The following RBFOX1 variants were observed in gnomAD, a reference collection of about 807,000 sequenced individuals.
The protein encoded by RBFOX1 is RNA binding fox-1 homolog 1.
A neutral mutation model predicts 57.7 loss-of-function variants in RBFOX1; 8 were observed. That is an observed-to-expected ratio of 0.14 (90% CI 0.08 to 0.25). The LOEUF (loss-of-function observed/expected upper bound fraction) is 0.25. RBFOX1 is among the 10% of genes least tolerant of loss of function. The pLI, the probability that RBFOX1 is intolerant of heterozygous loss-of-function variation, is 1.00. For synonymous variants in RBFOX1, 326 were observed against 222.4 expected (o/e 1.47, Z -4.15); for missense variants, 611 against 548.5 (o/e 1.11, Z -1.14).
intron 2 of RBFOX1, among the ~76,000 whole-genome samples, chr16:6,474,327 G>C (rs1464589926): frequency 6.6e-6 from 1 of 152,124 alleles, no homozygotes. Flanking sequence ...ATCATATCCC[G>C]TGGTCCAAAG....
At chr16:7,043,354 G>A (rs1224159698) in intron 3 of RBFOX1, among the ~76,000 whole-genome samples, 1 of 152,030 alleles carries the variant, frequency 6.6e-6, no homozygotes. Context: ...AATGTACAAT[G>A]TGTCATTTAG....
chr16:6,552,487 A>G (rs1241279139), intron 2 of RBFOX1, among the ~76,000 whole-genome samples: 1 of 152,198 alleles, frequency 6.6e-6, no homozygotes, highest in Non-Finnish European at 1.5e-5. Context: ...TACTACCTGC[A>G]AAGTATTCAG....
intron 4 of RBFOX1, among the ~76,000 whole-genome samples, chr16:7,228,438 A>G (rs2093288217): frequency 1.3e-5 from 2 of 152,190 alleles, no homozygotes; most frequent in Non-Finnish European, 2.9e-5. Context: ...TCTCTTAATC[A>G]GAGTACCTAC....
chr16:7,150,173 G>C (rs528960675), intron 4 of RBFOX1, among the ~76,000 whole-genome samples: 95 of 152,252 alleles, frequency 6.2e-4, no homozygotes, highest in Middle Eastern at 6.8e-3. Context: ...CCTTCTGCTA[G>C]AACATGCACA....
chr16:5,788,766 C>G (rs115878298), intron 3 of RBFOX1, among the ~76,000 whole-genome samples: 2 of 152,060 alleles, frequency 1.3e-5, no homozygotes, highest in Non-Finnish European at 2.9e-5. Context: ...CACAGCATCC[C>G]GAGAGTGACG....
At chr16:6,032,591 T>TG (rs371545610) in intron 1 of RBFOX1, among the ~76,000 whole-genome samples, 3 of 152,276 alleles carry the variant, frequency 2.0e-5, no homozygotes, top group African/African-American at 7.2e-5. Flanking sequence ...TAGAGAGCAG[T>TG]GTCTGGAACA....
intron 2 of RBFOX1, among the ~76,000 whole-genome samples, chr16:5,590,568 G>A (rs774932605): frequency 6.6e-6 from 1 of 152,112 alleles, no homozygotes; most frequent in African/African-American, 2.4e-5. Context: ...CTGTGATTCG[G>A]GGCGTGATGG....
At chr16:7,011,983 TG>T (rs1251741248) in intron 3 of RBFOX1, among the ~76,000 whole-genome samples, 4 of 152,178 alleles carry the variant, frequency 2.6e-5, no homozygotes, top group Non-Finnish European at 5.9e-5. Context: ...AAGTAGATCA[TG>T]ATGTGGTGTT....
chr16:6,486,023 T>TG (rs2095473156), intron 2 of RBFOX1, among the ~76,000 whole-genome samples: 1 of 151,266 alleles, frequency 6.6e-6, no homozygotes, highest in Admixed American at 6.6e-5. Flanking sequence ...TTTTCTTTTT[T>TG]TTTTTCCTCT....
intron 3 of RBFOX1, among the ~76,000 whole-genome samples, chr16:6,985,577 C>G (rs1213261991): frequency 6.6e-6 from 1 of 152,158 alleles, no homozygotes; most frequent in Non-Finnish European, 1.5e-5. Flanking sequence ...CCTGTAATCC[C>G]AGCACTTTGG....
chr16:6,774,302 C>A (rs1436492417), intron 3 of RBFOX1, among the ~76,000 whole-genome samples: 1 of 152,082 alleles, frequency 6.6e-6, no homozygotes, highest in Non-Finnish European at 1.5e-5. Flanking sequence ...TGAGATGGTG[C>A]CCCTCCAGGA....
At chr16:6,656,912 C>CCTCCCCTCTCCTCTA (rs2098659008) in intron 3 of RBFOX1, among the ~76,000 whole-genome samples, 1 of 144,158 alleles carries the variant, frequency 6.9e-6, no homozygotes, top group Non-Finnish European at 1.5e-5. Context: ...ACTCTCCTCT[C>CCTCCCCTCTCCTCTA]CTCCCCTCTC....
intron 2 of RBFOX1, among the ~76,000 whole-genome samples, chr16:6,547,043 G>T (rs560910652): frequency 6.6e-6 from 1 of 152,186 alleles, no homozygotes; most frequent in Non-Finnish European, 1.5e-5. Flanking sequence ...CTGAGCATGC[G>T]TATTATTACT....
chr16:5,448,650 C>T (rs981171799), intron 1 of RBFOX1, among the ~76,000 whole-genome samples: 1 of 152,118 alleles, frequency 6.6e-6, no homozygotes, highest in African/African-American at 2.4e-5. Context: ...GGATCCTGGA[C>T]CCTCCCTTTG....
intron 2 of RBFOX1, among the ~76,000 whole-genome samples, chr16:6,509,456 C>G (rs1011715590): frequency 2.1e-4 from 32 of 152,118 alleles, no homozygotes; most frequent in African/African-American, 7.2e-4. Flanking sequence ...TTTGCATGTT[C>G]TTGCTTATTT....
intron 3 of RBFOX1, among the ~76,000 whole-genome samples, chr16:6,772,182 A>G (rs1263205488): frequency 4.6e-5 from 7 of 152,046 alleles, no homozygotes; most frequent in African/African-American, 1.7e-4. Context: ...GGAATGAATG[A>G]TTGATGGACT....
At chr16:7,532,388 T>C (rs1231316127) in intron 5 of RBFOX1, among the ~76,000 whole-genome samples, 2 of 152,068 alleles carry the variant, frequency 1.3e-5, no homozygotes, top group African/African-American at 2.4e-5. Context: ...AAGGCAGATG[T>C]TGGGGACGAG....
intron 4 of RBFOX1, among the ~76,000 whole-genome samples, chr16:7,175,307 T>G (rs779624700): frequency 6.6e-6 from 1 of 152,212 alleles, no homozygotes; most frequent in Non-Finnish European, 1.5e-5. Context: ...GCATGATCTT[T>G]CAATGAAATA....
Position 7,036,937 on chromosome 16 carries a change from G to T in RBFOX1, c.-15-15120G>T, listed in dbSNP as rs369103481. Reference sequence around the variant, plus strand: ...ATTTCTTGATGACATGCTAAACAAGGAGTAGATTATTCATGCTTCCCCTTT... The same window carrying T: ...ATTTCTTGATGACATGCTAAACAAGTAGTAGATTATTCATGCTTCCCCTTT... On this transcript the variant is annotated intron_variant, in intron 3 of 15. Transcript: ENST00000550418. Among the ~76,000 whole-genome samples, 176 of 152,230 alleles carry T rather than the reference G, an allele frequency of 1.2e-3. 3 individuals carry two copies. In the South Asian group the frequency reaches 0.035, roughly 31 times the overall value.
Sources: gnomAD v4.1 joint callset for allele counts (sites outside exome capture counted in the v4.1 genomes callset) on GRCh38, gnomAD v4.1.1 for gene constraint, MANE v1.5 for transcripts, NCBI Gene and HGNC (gene_info 2026-07-23, HGNC 2026-07-21) for gene names.